Variants in ZNF395 observed in about 807,000 individuals in gnomAD.
ZNF395 encodes the protein zinc finger protein 395.
In ZNF395, 20 loss-of-function variants were observed where a neutral mutation model predicts 57.7. The ratio of observed to expected loss-of-function variants is 0.35; its 90% confidence interval spans 0.24 to 0.50. ZNF395 has a LOEUF of 0.50. ZNF395 is among the 20% of genes least tolerant of loss of function. The pLI is 0.97. For missense variants in ZNF395, 606 were observed against 671.2 expected, an observed-to-expected ratio of 0.90 and a Z score of 1.07; for synonymous variants, 295 against 275.9, an observed-to-expected ratio of 1.07 and a Z score of -0.69.
At chr8:28,360,336 T>C (rs572023275) in intron 2 of ZNF395, among the ~76,000 whole-genome samples, 1 of 152,236 alleles carries the variant, frequency 6.6e-6, no homozygotes, top group East Asian at 1.9e-4. Flanking sequence ...GAGCCAGAGG[T>C]AGAGTCCTCA....
chr8:28,381,942 C>T (rs938482193), intron 1 of ZNF395, among the ~76,000 whole-genome samples: 3 of 152,196 alleles, frequency 2.0e-5, no homozygotes, highest in Non-Finnish European at 4.4e-5. Context: ...GTGCTATTGA[C>T]TTGCCTAAAA....
At chr8:28,368,046 G>GTATGT (rs2129973799) in intron 1 of ZNF395, among the ~76,000 whole-genome samples, 1 of 152,292 alleles carries the variant, frequency 6.6e-6, no homozygotes, top group East Asian at 1.9e-4. Flanking sequence ...GGGCGTGCAT[G>GTATGT]TATGTGGTGG....
chr8:28,347,867 G>A lies in ZNF395; in HGVS notation c.*852C>T, dbSNP rs192142236. 2.6e-5 allele frequency: 4 copies of A among 152,356 alleles called. No individual in the cohort carries two copies. The highest frequency in any genetic ancestry group is 4.4e-5 in the Non-Finnish European group (3 of 68,046). The allele number at this position is 152,356 out of a possible 1,614,324, so 9.4% of individuals were successfully genotyped here. A position where few individuals can be genotyped will look rare whatever the true frequency, so the allele number is the denominator to read the frequency against. ...AATAACCGGAGGAAGGCGGCGTCAGGAGGGTGCTTCCTCGGGTCAGAGCAG... is the reference window on the plus strand; with the variant it reads ...AATAACCGGAGGAAGGCGGCGTCAGAAGGGTGCTTCCTCGGGTCAGAGCAG... On this transcript the variant is annotated 3_prime_UTR_variant, in exon 10 of 10. Transcript: ENST00000344423.
At chr8:28,365,313 C>T (rs1801897986) in intron 1 of ZNF395, 1 of 152,262 alleles carries the variant, frequency 6.6e-6, no homozygotes, top group Non-Finnish European at 1.5e-5. Context: ...TTCAGGACCT[C>T]CTGCTGCCTC....
chr8:28,381,014 AGTGTGT>A (rs10561721), intron 1 of ZNF395, among the ~76,000 whole-genome samples: 16,746 of 134,194 alleles, frequency 0.12, 1,054 homozygotes, highest in Admixed American at 0.21. Context: ...ACACCCTGCT[AGTGTGT>A]GTGTGTGTGT....
intron 9 of ZNF395, 25 bp from the exon 10 acceptor site, chr8:28,348,855 C>G (rs1175316475): frequency 6.2e-7 from 1 of 1,611,704 alleles, no homozygotes; most frequent in Admixed American, 1.7e-5. Context: ...GAATGCAAAT[C>G]GAGCCCCACA....
rs765581553 is a variant in ZNF395, at chr8:28,356,268, G to A, written c.583+402C>T. Among the ~76,000 whole-genome samples the A allele has an allele frequency of 2.6e-5, 4 of 152,198 alleles. No individual in the cohort carries two copies. Among genetic ancestry groups the A allele is most frequent in the Admixed American group, 6.5e-5 (1 of 15,282 alleles). On this transcript the variant is annotated intron_variant, in intron 4 of 9. Coordinates refer to ENST00000344423, the MANE Select transcript of ZNF395 (RefSeq NM_018660.3). The surrounding 1 kb of genome is among the most constrained non-coding windows in gnomAD (Gnocchi z 4.0). ...TAATTTATGAGGCTGAATTAGGCACGTGGAATGAGGGCATGAATTTTCTGA... is the reference window on the plus strand; with the variant it reads ...TAATTTATGAGGCTGAATTAGGCACATGGAATGAGGGCATGAATTTTCTGA...
At chr8:28,370,923 C>G (rs1302969445) in intron 1 of ZNF395, among the ~76,000 whole-genome samples, 1 of 152,208 alleles carries the variant, frequency 6.6e-6, no homozygotes, top group Non-Finnish European at 1.5e-5. Context: ...CGTGGCCTTT[C>G]AAAGACTGAT....
intron 1 of ZNF395, among the ~76,000 whole-genome samples, chr8:28,381,014 AGTGTGTGT>A (rs10561721): frequency 0.18 from 24,150 of 134,162 alleles, 2,186 homozygotes; most frequent in South Asian, 0.25. Flanking sequence ...ACACCCTGCT[AGTGTGTGT>A]GTGTGTGTGT....
intron 1 of ZNF395, among the ~76,000 whole-genome samples, chr8:28,374,818 C>T (rs1167320078): frequency 6.6e-6 from 1 of 152,210 alleles, no homozygotes; most frequent in African/African-American, 2.4e-5. Context: ...ACAACACACA[C>T]GTTCCCTAAT....
chr8:28,365,391 C>G (rs1371289540), intron 1 of ZNF395: 1 of 152,364 alleles, frequency 6.6e-6, no homozygotes, highest in Non-Finnish European at 1.5e-5. Context: ...TCCTTCCAAC[C>G]TCTCTCCTCC....
rs73570792 is a variant in ZNF395, at chr8:28,360,846, G to C, written c.240+39C>G. The C allele has an allele frequency of 0.024, 38,874 of 1,605,188 alleles. 5,761 individuals are homozygous for C. The African/African-American group carries it at 0.38, about 16-fold the overall frequency. On this transcript the variant is annotated intron_variant, in intron 2 of 9. Transcript: ENST00000344423. The stretch of plus-strand genomic sequence containing the variant: ...CACCCCAGCCCCCTACCCCAAGACT[G>C]GCAAGACGGGACACCTGTCCATGTT...
chr8:28,385,777 C>G lies in ZNF395; in HGVS notation c.-59+616G>C, dbSNP rs1303632522. 2.7e-5 allele frequency among the ~76,000 whole-genome samples: 4 copies of G among 148,412 alleles called. No homozygotes were observed. In the South Asian group the frequency reaches 8.3e-4, roughly 31 times the overall value. On this transcript the variant is annotated intron_variant, in intron 1 of 9. Coordinates refer to ENST00000344423, the MANE Select transcript of ZNF395 (RefSeq NM_018660.3). ...GGAGGGGGCTCCGAGAGTGGGGGCG[C>G]CGGCGGAGGGCGAGGTAAACAAGGC...
At chr8:28,353,792 G>C (rs1486592816) in intron 4 of ZNF395, among the ~76,000 whole-genome samples, 1 of 152,108 alleles carries the variant, frequency 6.6e-6, no homozygotes, top group African/African-American at 2.4e-5. Flanking sequence ...TAAATAAAGG[G>C]GGGATGGGGA....
rs1037679446 is a variant in ZNF395 at position 28,351,871 on chromosome 8, C to A, written c.921-64G>T. The A allele has an allele frequency of 8.0e-6, 12 of 1,490,718 alleles. No homozygotes were observed. In the Admixed American group the frequency reaches 8.9e-5, roughly 11 times the overall value. 92.3% of individuals were successfully genotyped at this position (1,490,718 alleles called of 1,614,324 possible). A position where few individuals can be genotyped will look rare whatever the true frequency, so the allele number is the denominator to read the frequency against. On this transcript the variant is annotated intron_variant, in intron 6 of 9. Transcript: ENST00000344423. ...TGCCCCCTTCAAACCCAGCGGGGAC[C>A]GCGGTAGGGAGGGAAGTGATTGCTT...
In ZNF395 at chr8:28,363,864, A is replaced by G. The variant is rs181840243; in HGVS notation, c.-58-2682T>C. Among the ~76,000 whole-genome samples the G allele has an allele frequency of 1.9e-4, 29 of 151,998 alleles. No individual in the cohort carries two copies. The East Asian group carries it at 4.4e-3, about 23-fold the overall frequency. ...ACTGCCTATTTTGTTTGTGCCTGCA[A>G]CCTTCCAGGCCTGCCGGATTCGCAT... On this transcript the variant is annotated intron_variant, in intron 1 of 9. Transcript: ENST00000344423.
Position 28,353,196 on chromosome 8 carries a change from C to G in ZNF395, c.796G>C (p.Glu266Gln). The G allele has an allele frequency of 6.2e-7, 1 of 1,613,546 alleles. No individual in the cohort carries two copies. The highest frequency in any genetic ancestry group is 8.5e-7 in the Non-Finnish European group (1 of 1,179,944). The change falls in exon 5 of 10, where the codon GAA becomes CAA. Residue 266 changes from glutamate (E) to glutamine (Q), a missense_variant. Transcript: ENST00000344423. ...ETDPDPFLLD[E>Q]PAPRKRKNSV... ...ACCTTTCTTTTTCGTGGAGCTGGTT[C>G]GTCCAGCAGGAAAGGGTCAGGATCG...
chr8:28,358,142 CTTTT>C (rs1166965241), intron 3 of ZNF395, among the ~76,000 whole-genome samples: 6 of 121,452 alleles, frequency 4.9e-5, no homozygotes, highest in African/African-American at 9.2e-5. Flanking sequence ...GGGTTTTTTT[CTTTT>C]TTTTCTTTTT....
chr8:28,367,144 G>C (rs1156910646), intron 1 of ZNF395, among the ~76,000 whole-genome samples: 2 of 151,844 alleles, frequency 1.3e-5, no homozygotes, highest in Non-Finnish European at 2.9e-5. Context: ...TTTTTCTGAA[G>C]GTTTTAAAAA....
Sources: allele counts gnomAD v4.1 joint callset (sites outside exome capture counted in the v4.1 genomes callset), GRCh38; gene constraint gnomAD v4.1.1; non-coding constraint Gnocchi (gnomAD v3.1); transcripts MANE v1.5; gene names NCBI Gene and HGNC (gene_info 2026-07-23, HGNC 2026-07-21).